The following DNAH10 variants were observed in gnomAD, a reference collection of about 807,000 sequenced individuals.
DNAH10 encodes axonemal beta dynein heavy chain 10.
Under a neutral mutation model 506.6 loss-of-function variants are expected in DNAH10, and 348 were observed. The ratio of observed to expected loss-of-function variants is 0.69; its 90% CI spans 0.63 to 0.75. The LOEUF (loss-of-function observed/expected upper bound fraction) is 0.75, where lower values mean the gene tolerates loss of function less well. Ranked by LOEUF, DNAH10 falls within the 30% of genes least tolerant of loss-of-function variation. DNAH10 has a pLI of 0.00. For synonymous variants in DNAH10, 2,059 were observed against 2,198.6 expected, an observed-to-expected ratio of 0.94 and a Z score of 1.78; for missense variants, 5,179 against 5,787.1, an observed-to-expected ratio of 0.89 and a Z score of 3.41.
intron 21 of DNAH10, among the ~76,000 whole-genome samples, chr12:123,818,069 C>T (rs1474606605): frequency 6.6e-6 from 1 of 151,644 alleles, no homozygotes; most frequent in East Asian, 1.9e-4. Context: ...TTGCCTCGGC[C>T]TCCTGAGTAG....
chr12:123,901,814 C>A (rs1164576210), intron 56 of DNAH10, among the ~76,000 whole-genome samples: 1 of 152,120 alleles, frequency 6.6e-6, no homozygotes, highest in Non-Finnish European at 1.5e-5. Flanking sequence ...GTGCCCGTCA[C>A]CACGCCTAGC....
At position 123,925,042 on chromosome 12, in the gene DNAH10, T is replaced by C. The variant is rs1320541354; in HGVS notation, c.11767-8T>C. 4.3e-6 allele frequency: 7 copies of C among 1,613,606 alleles called. No homozygotes were observed. Among genetic ancestry groups the C allele is most frequent in the African/African-American group, 1.3e-5 (1 of 75,048 alleles). On this transcript the variant is annotated splice_polypyrimidine_tract_variant and splice_region_variant and intron_variant, in intron 67 of 78. Transcript: ENST00000673944. The surrounding 1 kb of genome is among the most constrained non-coding windows in gnomAD (Gnocchi z 4.0). ...TGACGCACAATGAATATTCTTTGCTTTTCCCAGTGGTATGACCTGGATTCA... is the reference window on the plus strand; with the variant it reads ...TGACGCACAATGAATATTCTTTGCTCTTCCCAGTGGTATGACCTGGATTCA...
intron 47 of DNAH10, 34 bp from the exon 48 acceptor site, chr12:123,877,702 T>A: frequency 1.3e-6 from 2 of 1,554,266 alleles, no homozygotes; most frequent in Non-Finnish European, 1.7e-6. Context: ...GAAGGACATT[T>A]GTGTGTTGGG....
intron 21 of DNAH10, 111 bp downstream of exon 21, chr12:123,814,023 A>G (rs1324357950): frequency 9.0e-6 from 9 of 1,003,148 alleles, no homozygotes; most frequent in Non-Finnish European, 1.3e-5. Context: ...CAAATAAGTG[A>G]CTTTAAGTAA....
chr12:123,830,205 C>G (rs540499689), intron 25 of DNAH10, among the ~76,000 whole-genome samples: 1 of 152,194 alleles, frequency 6.6e-6, no homozygotes, highest in East Asian at 1.9e-4. Flanking sequence ...ATGAGGCTCT[C>G]AAAAAGGCTG....
chr12:123,878,551 A>G (rs1023942119), intron 48 of DNAH10, among the ~76,000 whole-genome samples: 2 of 152,160 alleles, frequency 1.3e-5, no homozygotes, highest in African/African-American at 2.4e-5. Flanking sequence ...GTTCTTTGCT[A>G]GAATGCAGGG....
intron 52 of DNAH10, among the ~76,000 whole-genome samples, chr12:123,890,297 G>T (rs1952923168): frequency 6.6e-6 from 1 of 152,008 alleles, no homozygotes; most frequent in African/African-American, 2.4e-5. Flanking sequence ...CAGAGACAGG[G>T]TCTTACTCTG....
Position 123,934,156 on chromosome 12 carries a change from CCT to C in DNAH10, c.13478-460_13478-459del. The stretch of plus-strand genomic sequence containing the variant: ...CTCTCTGGGGCCACAGGAGTGTGTT[CCT>C]CTCTTTGCACATCTGCTGGGTCCTC... On this transcript the variant is annotated intron_variant, in intron 77 of 78. Transcript: ENST00000673944. The C allele has an allele frequency of 4.4e-6, 3 of 683,940 alleles. 1 individual carries two copies. The highest frequency in any genetic ancestry group is 3.1e-5 in the South Asian group (2 of 64,688). The allele number at this position is 683,940 out of a possible 1,614,324, so 42.4% of individuals were successfully genotyped here.
chr12:123,766,287 G>GCCTACCTA (rs146604271), intron 1 of DNAH10, among the ~76,000 whole-genome samples: 5,418 of 150,578 alleles, frequency 0.036, 197 homozygotes, highest in African/African-American at 0.088. Context: ...CAATTAATCA[G>GCCTACCTA]CCTACCTACC....
In DNAH10 at chr12:123,838,462, G is replaced by A; in HGVS notation, c.4909G>A (p.Gly1637Ser). Residue 1637 changes from glycine (G) to serine (S), a missense_variant, in exon 29 of 79, where the codon GGT (glycine) becomes AGT (serine). Around this residue, in one of 3 missense-constraint regions of DNAH10, gnomAD observed 4,844 missense variants for 5,430.5 expected, o/e 0.89. Coordinates refer to ENST00000673944, the MANE Select transcript of DNAH10 (RefSeq NM_001372106.1). ...GTCCTCTGTTCTGGTCCAGATCATG[G>A]GTGAGACCTTAAAAGACCCCGTGAT... The part of the protein sequence containing the change: ...NIDKVFKRIM[G>S]ETLKDPVIKR... 6.2e-7 allele frequency: 1 copy of A among 1,613,182 alleles called. No homozygotes were observed. The highest frequency in any genetic ancestry group is 8.5e-7 in the Non-Finnish European group (1 of 1,179,520).
Position 123,926,657 on chromosome 12 carries a change from TC to T in DNAH10, c.11943del (p.Ser3982AlafsTer19). 1 of 1,613,556 alleles carries T rather than the reference TC, an allele frequency of 6.2e-7. No homozygotes were observed. The highest frequency in any genetic ancestry group is 1.1e-5 in the South Asian group (1 of 91,032). The part of the protein sequence containing the change: ...MGEKYVQPPM[I>X]SFEAIFEQST... ...ACCAGGTATGTGCAGCCCCCAATGA[TC>T]AGCTTTGAAGCTATTTTTGAGCAGA... is the stretch of plus-strand genomic sequence containing the variant. On this transcript the variant is annotated frameshift_variant, in exon 69 of 79. Transcript: ENST00000673944. LOFTEE classifies it high-confidence loss of function. This position sits in a 1 kb window ranked among gnomAD's most constrained non-coding sequence, Gnocchi z 4.1.
Position 123,864,735 on chromosome 12 carries a change from G to A in DNAH10, c.7044+5G>A, listed in dbSNP as rs763552800. The A allele has an allele frequency of 1.3e-6, 2 of 1,597,816 alleles. No individual in the cohort carries two copies. The highest frequency in any genetic ancestry group is 2.3e-5 in the South Asian group (2 of 87,164). ...CACTGTGCCCTGCTCTTTGAGGCAAGTAGTGATTAAAAGTAAATTTGAACA... is the reference window on the plus strand; with the variant it reads ...CACTGTGCCCTGCTCTTTGAGGCAAATAGTGATTAAAAGTAAATTTGAACA... On this transcript the variant is annotated splice_donor_5th_base_variant and intron_variant, in intron 40 of 78. Transcript: ENST00000673944.
intron 29 of DNAH10, among the ~76,000 whole-genome samples, chr12:123,840,963 C>T (rs1950753425): frequency 6.6e-6 from 1 of 152,190 alleles, no homozygotes. Flanking sequence ...GGGATTCCAT[C>T]ACAGGTCTCT....
chr12:123,884,716 GAACA>G (rs1035423743), intron 51 of DNAH10, among the ~76,000 whole-genome samples: 8 of 152,150 alleles, frequency 5.3e-5, no homozygotes, highest in Non-Finnish European at 1.2e-4. Flanking sequence ...TGTGTGGGGA[GAACA>G]AACATTCAGT....
At chr12:123,820,114 T>G (rs1428196822) in intron 23 of DNAH10, among the ~76,000 whole-genome samples, 1 of 152,110 alleles carries the variant, frequency 6.6e-6, no homozygotes, top group Non-Finnish European at 1.5e-5. Flanking sequence ...GACGTTTATT[T>G]AAGGATGCTC....
At position 123,801,437 on chromosome 12, in the gene DNAH10, C is replaced by A; in HGVS notation, c.2614+5C>A. 1 of 1,611,056 alleles carries A rather than the reference C, an allele frequency of 6.2e-7. No homozygotes were observed. The highest frequency in any genetic ancestry group is 8.5e-7 in the Non-Finnish European group (1 of 1,178,998). On this transcript the variant is annotated splice_donor_5th_base_variant and intron_variant, in intron 16 of 78. Transcript: ENST00000673944. ...GGTTGAACTGGAACTCACTAGGTAA[C>A]GTCATTCATCTATTGATTGCCTTTT...
At position 123,785,133 on chromosome 12, in the gene DNAH10, A is replaced by G. The variant is rs1372238772; in HGVS notation, c.1231-613A>G. ...TGGAATAGCTGGGTCATATATGGTA[A>G]CTGTTTAACCTCTTGAGGAATTTCT... is the stretch of plus-strand genomic sequence containing the variant. On this transcript the variant is annotated intron_variant, in intron 8 of 78. Coordinates refer to ENST00000673944, the MANE Select transcript of DNAH10 (RefSeq NM_001372106.1). The surrounding 1 kb of genome is among the most constrained non-coding windows in gnomAD (Gnocchi z 4.1). 6.6e-6 allele frequency among the ~76,000 whole-genome samples: 1 copy of G among 152,136 alleles called. No individual in the cohort carries two copies.
At position 123,789,919 on chromosome 12, in the gene DNAH10, T is replaced by C. The variant is rs763681396; in HGVS notation, c.1621-8T>C. The C allele has an allele frequency of 1.9e-5, 31 of 1,608,116 alleles. No homozygotes were observed. The highest frequency in any genetic ancestry group is 2.6e-5 in the Non-Finnish European group (30 of 1,176,410). On this transcript the variant is annotated splice_region_variant and splice_polypyrimidine_tract_variant and intron_variant, in intron 10 of 78. Coordinates refer to ENST00000673944, the MANE Select transcript of DNAH10 (RefSeq NM_001372106.1). ...GTAATCTCCTCATTGTTCCGTTTGA[T>C]TGGACAGATTTTGGAGGAATTTTAT...
rs1035894472 is a variant in DNAH10 at position 123,918,787 on chromosome 12, G to C, written c.11344G>C (p.Glu3782Gln). Residue 3782 changes from glutamate (E) to glutamine (Q), a missense_variant, in exon 65 of 79, where the codon GAG becomes CAG. Coordinates refer to ENST00000673944, the MANE Select transcript of DNAH10 (RefSeq NM_001372106.1). ...RGAILFFVLSEMALVNSMYQY... is the reference protein window; with the variant it reads ...RGAILFFVLSQMALVNSMYQY... Reference sequence around the variant, plus strand: ...GGCCATCCTGTTCTTCGTCCTGTCTGAGATGGCCCTGGTGAACTCCATGTA... The same window carrying C: ...GGCCATCCTGTTCTTCGTCCTGTCTCAGATGGCCCTGGTGAACTCCATGTA... 1 of 1,613,762 alleles carries C rather than the reference G, an allele frequency of 6.2e-7. No individual in the cohort carries two copies. The highest frequency in any genetic ancestry group is 1.7e-5 in the Admixed American group (1 of 60,014).
Sources: allele counts gnomAD v4.1 joint callset (sites outside exome capture counted in the v4.1 genomes callset), GRCh38; gene constraint gnomAD v4.1.1; regional missense constraint gnomAD v4.1.1; non-coding constraint Gnocchi (gnomAD v3.1); transcripts MANE v1.5; gene names NCBI Gene and HGNC (gene_info 2026-07-23, HGNC 2026-07-21).